ABCB7: variants seen among roughly 807,000 people sequenced by gnomAD.
The protein encoded by ABCB7 is iron-sulfur clusters transporter ABCB7, mitochondrial.
Under a neutral mutation model 54.4 loss-of-function variants are expected in ABCB7, and 7 were observed. The ratio of observed to expected loss-of-function variants is 0.13; its 90% CI spans 0.07 to 0.24. The LOEUF is 0.24. Ranked by LOEUF, ABCB7 falls within the 10% of genes least tolerant of loss-of-function variation. The probability of loss-of-function intolerance (pLI) is 1.00; values close to 1 mark genes in which losing one functional copy is unlikely to be tolerated. For synonymous variants in ABCB7, 218 were observed against 207.1 expected (o/e 1.05, Z -0.45); for missense variants, 356 against 570.4 (o/e 0.62, Z 3.83).
chrX:75,100,491 T>A (rs2147506325), intron 3 of ABCB7, among the ~76,000 whole-genome samples: 1 of 110,597 alleles, frequency 9.0e-6, no homozygotes, highest in South Asian at 3.9e-4. Context: ...ATGGGGACTT[T>A]ACACAGTAAT....
chrX:75,150,020 C>A (rs1282537793), intron 1 of ABCB7, among the ~76,000 whole-genome samples: 1 of 111,217 alleles, frequency 9.0e-6, no homozygotes, highest in African/African-American at 3.3e-5. Context: ...AGATATAAAG[C>A]CCACTGAAGT....
chrX:75,079,349 T>C (rs1004620738), intron 4 of ABCB7, among the ~76,000 whole-genome samples: 15 of 112,027 alleles, frequency 1.3e-4, no homozygotes, highest in African/African-American at 4.9e-4. Flanking sequence ...ATACTACATG[T>C]AGATGTTTTT....
At chrX:75,103,481 G>A (rs1292775587) in intron 3 of ABCB7, among the ~76,000 whole-genome samples, 1 of 111,193 alleles carries the variant, frequency 9.0e-6, no homozygotes, top group African/African-American at 3.3e-5. Flanking sequence ...CTATGTATGT[G>A]TTTATACCAA....
At chrX:75,083,107 A>G (rs770926544) in intron 4 of ABCB7, among the ~76,000 whole-genome samples, 1 of 112,057 alleles carries the variant, frequency 8.9e-6, no homozygotes, top group South Asian at 3.7e-4. Context: ...GCCCTCATCA[A>G]GTAAAAAAAA....
rs2081663659 is a variant in ABCB7 at position 75,104,047 on chromosome X, G to GTTTTTTTGTTTTTTTTTTTTTTTTTT, written c.334-4987_334-4986insAAAAAAAAAAAAAAAAAACAAAAAAA. 1.0e-3 allele frequency among the ~76,000 whole-genome samples: 14 copies of GTTTTTTTGTTTTTTTTTTTTTTTTTT among 13,448 alleles called. 1 individual carries two copies. The highest frequency in any genetic ancestry group is 2.3e-3 in the Non-Finnish European group (13 of 5,717). The allele number at this position is 13,448 out of a possible 115,157, so 11.7% of individuals were successfully genotyped here. A position where few individuals can be genotyped will look rare whatever the true frequency, so the allele number is the denominator to read the frequency against. On this transcript the variant is annotated intron_variant, in intron 3 of 15. Transcript: ENST00000373394. Reference sequence around the variant, plus strand: ...AAATGGGCATCCCTGTCTTGTTACAGTTTTTTTTTTTTTTTTTTTTTTTTT... The same window carrying GTTTTTTTGTTTTTTTTTTTTTTTTTT: ...AAATGGGCATCCCTGTCTTGTTACAGTTTTTTTGTTTTTTTTTTTTTTTTTTTTTTTTTTTTTTTTTTTTTTTTTTT...
chrX:75,106,149 ATAAT>A lies in ABCB7; in HGVS notation c.333+6733_333+6736del, dbSNP rs200826277. ...AAAAAGATTCTATACAGCAAAATAA[ATAAT>A]TAACAGATTAAATAGAAAACTTACA... On this transcript the variant is annotated intron_variant, in intron 3 of 15. Transcript: ENST00000373394. Among the ~76,000 whole-genome samples, 92 of 111,882 alleles carry A rather than the reference ATAAT, an allele frequency of 8.2e-4. 1 individual carries two copies. In the East Asian group the frequency reaches 0.024, roughly 29 times the overall value.
intron 4 of ABCB7, 51 bp from the exon 5 acceptor site, chrX:75,076,705 TA>T (rs1466231120): frequency 3.6e-6 from 4 of 1,125,367 alleles, no homozygotes; most frequent in Non-Finnish European, 4.8e-6. Context: ...TACTTATTTA[TA>T]AAAGTACAAA....
rs1442908820 is a variant in ABCB7, at chrX:75,052,340, G to T, written c.*1030C>A. On this transcript the variant is annotated 3_prime_UTR_variant, in exon 16 of 16. Transcript: ENST00000373394. ...AAATTAGCCAGGCATGGTGGCGGGC[G>T]CCTGTAGTCCCACCTACTCAGGAGG... 9.1e-6 allele frequency: 1 copy of T among 109,432 alleles called. No individual in the cohort carries two copies. Among genetic ancestry groups the T allele is most frequent in the Non-Finnish European group, 1.9e-5 (1 of 52,682 alleles). 9.0% of individuals were successfully genotyped at this position (109,432 alleles called of 1,213,427 possible).
chrX:75,102,366 A>C (rs1029320251), intron 3 of ABCB7, among the ~76,000 whole-genome samples: 1 of 111,097 alleles, frequency 9.0e-6, no homozygotes, highest in African/African-American at 3.3e-5. Flanking sequence ...CCAGGCTCTG[A>C]TATCTATCAC....
intron 15 of ABCB7, among the ~76,000 whole-genome samples, chrX:75,056,378 T>C (rs1436030360): frequency 8.9e-6 from 1 of 112,024 alleles, no homozygotes; most frequent in Non-Finnish European, 1.9e-5. Flanking sequence ...ATAATTTTTG[T>C]TTTAGCAGTA....
intron 1 of ABCB7, among the ~76,000 whole-genome samples, chrX:75,132,873 C>T (rs2081984989): frequency 8.9e-6 from 1 of 111,848 alleles, no homozygotes; most frequent in African/African-American, 3.3e-5. Context: ...CATCAGCCCA[C>T]ACAGATGAGA....
chrX:75,092,124 T>C (rs774694114), intron 4 of ABCB7, among the ~76,000 whole-genome samples: 1 of 111,257 alleles, frequency 9.0e-6, no homozygotes, highest in South Asian at 3.7e-4. Flanking sequence ...AACAGAATAC[T>C]GAAGAAGAAA....
intron 3 of ABCB7, among the ~76,000 whole-genome samples, chrX:75,103,714 A>C (rs759382949): frequency 9.1e-6 from 1 of 109,832 alleles, no homozygotes; most frequent in African/African-American, 3.3e-5. Context: ...AATCCTGAGT[A>C]ATTTTTTTGG....
chrX:75,131,997 C>A (rs1166553637), intron 1 of ABCB7, among the ~76,000 whole-genome samples: 3 of 111,756 alleles, frequency 2.7e-5, no homozygotes, highest in African/African-American at 9.7e-5. Flanking sequence ...TACAGAGGAG[C>A]CCAATTTCTC....
At chrX:75,118,680 G>GT (rs1381638254) in intron 1 of ABCB7, among the ~76,000 whole-genome samples, 1 of 111,641 alleles carries the variant, frequency 9.0e-6, no homozygotes, top group Non-Finnish European at 1.9e-5. Flanking sequence ...ACTTTGGTGT[G>GT]TAATAACTAT....
intron 3 of ABCB7, among the ~76,000 whole-genome samples, chrX:75,109,280 G>C (rs1014806595): frequency 4.5e-5 from 5 of 111,669 alleles, no homozygotes; most frequent in African/African-American, 9.8e-5. Flanking sequence ...AAAACAGCTG[G>C]AGCAGCTCAT....
At chrX:75,099,167 C>A in intron 3 of ABCB7, 106 bp from the exon 4 acceptor site, 1 of 900,038 alleles carries the variant, frequency 1.1e-6, no homozygotes, top group Non-Finnish European at 1.5e-6. Context: ...GAAAACATTA[C>A]AAATATAACT....
intron 15 of ABCB7, among the ~76,000 whole-genome samples, chrX:75,056,294 G>A (rs6647617): frequency 0.28 from 31,433 of 110,963 alleles, 6,316 homozygotes; most frequent in East Asian, 0.9. Context: ...GTGATTTTCT[G>A]AATTTGTAAT....
chrX:75,156,147 C>T lies in ABCB7; in HGVS notation c.126G>A (p.Arg42=), dbSNP rs1200569777. 1 of 1,208,688 alleles carries T rather than the reference C, an allele frequency of 8.3e-7. No homozygotes were observed. The highest frequency in any genetic ancestry group is 1.1e-6 in the Non-Finnish European group (1 of 894,074). Residue 42 remains arginine (R), a synonymous_variant, in exon 1 of 16, where the codon AGG becomes AGA. Coordinates refer to ENST00000373394, the MANE Select transcript of ABCB7 (RefSeq NM_001271696.3). The part of the protein sequence containing the change: ...VSVSGSGPQW[R]PHQLGALGTA... Reference sequence around the variant, plus strand: ...TTCCCAAGGCGCCGAGTTGATGTGGCCTCCACTGCGGACCTGAGCCGCTAA... The same window carrying T: ...TTCCCAAGGCGCCGAGTTGATGTGGTCTCCACTGCGGACCTGAGCCGCTAA...
Sources: allele counts gnomAD v4.1 joint callset (sites outside exome capture counted in the v4.1 genomes callset), GRCh38; gene constraint gnomAD v4.1.1; transcripts MANE v1.5; gene names NCBI Gene and HGNC (gene_info 2026-07-23, HGNC 2026-07-21).